Variants in ABTB3 observed in about 807,000 individuals in gnomAD.
ABTB3 encodes the protein ankyrin repeat- and BTB/POZ domain-containing protein 3.
chr12:107,425,082 G>A, the ABTB3 span, among the ~76,000 whole-genome samples: 1 of 152,062 alleles, frequency 6.6e-6, no homozygotes, highest in Non-Finnish European at 1.5e-5. Context: ...CATTACCTAA[G>A]CATAGTGCCC....
chr12:107,649,111 G>C, the ABTB3 span: 1 of 1,079,744 alleles, frequency 9.3e-7, no homozygotes, highest in South Asian at 1.4e-5. Flanking sequence ...ATGTCCTAGA[G>C]GTCTCAGGAA....
the ABTB3 span, chr12:107,617,620 G>A: frequency 7.6e-6 from 5 of 658,540 alleles, no homozygotes; most frequent in African/African-American, 5.5e-5. Context: ...TCCATGCAGT[G>A]CACATCCACT....
At chr12:107,435,427 C>A in the ABTB3 span, among the ~76,000 whole-genome samples, 1 of 152,340 alleles carries the variant, frequency 6.6e-6, no homozygotes, top group South Asian at 2.1e-4. Flanking sequence ...TTTGACCATA[C>A]TTAACATATT....
the ABTB3 span, among the ~76,000 whole-genome samples, chr12:107,550,826 G>A: frequency 3.3e-5 from 5 of 151,852 alleles, no homozygotes; most frequent in East Asian, 1.9e-4. Context: ...CAAGTGATCC[G>A]CCTGTCTCGG....
At chr12:107,565,735 C>T in the ABTB3 span, among the ~76,000 whole-genome samples, 3 of 152,220 alleles carry the variant, frequency 2.0e-5, no homozygotes, top group Non-Finnish European at 2.9e-5. Flanking sequence ...CCCCAGAAAT[C>T]AACCCCTTTC....
chr12:107,581,464 C>A, the ABTB3 span, among the ~76,000 whole-genome samples: 1 of 152,186 alleles, frequency 6.6e-6, no homozygotes. Flanking sequence ...GCGGGCTGAA[C>A]AATAAGCAGG....
the ABTB3 span, among the ~76,000 whole-genome samples, chr12:107,654,970 C>T: frequency 6.6e-6 from 1 of 151,886 alleles, no homozygotes; most frequent in Admixed American, 6.6e-5. Context: ...CTCTCTCTCT[C>T]TGTACCAAGG....
chr12:107,503,289 C>G, the ABTB3 span, among the ~76,000 whole-genome samples: 1 of 152,030 alleles, frequency 6.6e-6, no homozygotes, highest in African/African-American at 2.4e-5. Context: ...TATGACAGCC[C>G]CATAGACATG....
chr12:107,543,399 A>C, the ABTB3 span, among the ~76,000 whole-genome samples: 1 of 151,918 alleles, frequency 6.6e-6, no homozygotes, highest in Admixed American at 6.6e-5. Context: ...AACCCAAGTA[A>C]GGGCAGGGTG....
chr12:107,448,492 GAGA>G, the ABTB3 span, among the ~76,000 whole-genome samples: 6 of 152,144 alleles, frequency 3.9e-5, no homozygotes, highest in Non-Finnish European at 5.9e-5. Context: ...CCAAATAAAT[GAGA>G]AGAGACAAGA....
chr12:107,320,519 C>G, the ABTB3 span: 1 of 388,118 alleles, frequency 2.6e-6, no homozygotes, highest in Non-Finnish European at 4.9e-6. Flanking sequence ...TCTCCGCAAT[C>G]CAGTGCTCCC....
chr12:107,459,288 A>C, the ABTB3 span, among the ~76,000 whole-genome samples: 1 of 152,228 alleles, frequency 6.6e-6, no homozygotes, highest in Non-Finnish European at 1.5e-5. Flanking sequence ...GAGCCTTCTC[A>C]CATTGCCGCA....
the ABTB3 span, among the ~76,000 whole-genome samples, chr12:107,545,029 TAGC>T: frequency 1.3e-5 from 2 of 152,206 alleles, no homozygotes; most frequent in Admixed American, 6.5e-5. Flanking sequence ...GATCTGCATA[TAGC>T]TGAACAACTC....
chr12:107,436,738 A>C, the ABTB3 span, among the ~76,000 whole-genome samples: 1 of 152,200 alleles, frequency 6.6e-6, no homozygotes, highest in Non-Finnish European at 1.5e-5. Context: ...GACTTCTGCC[A>C]GCTCTGCTTA....
chr12:107,588,392 G>A, the ABTB3 span, among the ~76,000 whole-genome samples: 1 of 152,186 alleles, frequency 6.6e-6, no homozygotes. Context: ...CTCACCAAAT[G>A]TTTACATTAA....
chr12:107,654,838 A>ACACG, the ABTB3 span, among the ~76,000 whole-genome samples: 20 of 149,300 alleles, frequency 1.3e-4, no homozygotes, highest in African/African-American at 4.8e-4. Flanking sequence ...ACACACACAC[A>ACACG]CACACACACA....
chr12:107,629,018 C>T, the ABTB3 span, among the ~76,000 whole-genome samples: 3 of 152,180 alleles, frequency 2.0e-5, no homozygotes, highest in Non-Finnish European at 4.4e-5. Flanking sequence ...AGTATTTCCA[C>T]ATCTTTTTAG....
chr12:107,645,213 C>T, the ABTB3 span, among the ~76,000 whole-genome samples: 7 of 152,094 alleles, frequency 4.6e-5, no homozygotes, highest in South Asian at 2.1e-4. Flanking sequence ...GTGATCCGCC[C>T]GCCTTGGCCT....
the ABTB3 span, among the ~76,000 whole-genome samples, chr12:107,590,394 C>T: frequency 7.9e-5 from 12 of 152,120 alleles, no homozygotes; most frequent in East Asian, 7.7e-4. Flanking sequence ...TGACTGATGA[C>T]GAGGAGTCAC....
Sources: allele counts gnomAD v4.1 joint callset (sites outside exome capture counted in the v4.1 genomes callset), GRCh38; gene constraint gnomAD v4.1.1; transcripts MANE v1.5; gene names NCBI Gene and HGNC (gene_info 2026-07-23, HGNC 2026-07-21).